Variants in RANBP2 observed in about 807,000 individuals in gnomAD.
RANBP2 encodes E3 SUMO-protein ligase RanBP2.
In RANBP2, 57 loss-of-function variants were observed where a neutral mutation model predicts 303.6. The observed-to-expected ratio is 0.19, with a 90% CI of 0.15 to 0.23. RANBP2 has a LOEUF of 0.23. RANBP2 is among the 10% of genes least tolerant of loss of function. RANBP2 has a pLI of 1.00. For missense variants in RANBP2, 3,138 were observed against 3,780.8 expected (o/e 0.83, Z 4.46); for synonymous variants, 1,167 against 1,301.5 (o/e 0.90, Z 2.23).
chr2:109,091,141 G>T, the RANBP2 span, among the ~76,000 whole-genome samples: 4 of 152,142 alleles, frequency 2.6e-5, no homozygotes, highest in Non-Finnish European at 5.9e-5. Context: ...GAGGCGGGAG[G>T]ATTGCTTGAG....
chr2:108,929,879 T>C, the RANBP2 span, among the ~76,000 whole-genome samples: 1 of 152,210 alleles, frequency 6.6e-6, no homozygotes, highest in Non-Finnish European at 1.5e-5. Flanking sequence ...AGTGGGAAAG[T>C]GATCCTTTAA....
At chr2:109,070,658 G>A in the RANBP2 span, among the ~76,000 whole-genome samples, 11 of 152,142 alleles carry the variant, frequency 7.2e-5, no homozygotes, top group African/African-American at 2.4e-4. Context: ...TCAGGAGTTC[G>A]ACACTAGCCT....
downstream of RANBP2, chr2:108,786,921 G>T: frequency 6.6e-7 from 1 of 1,517,700 alleles, no homozygotes; most frequent in Non-Finnish European, 8.8e-7. Context: ...ACGAGGTGAA[G>T]CCGCCGCCTG....
the RANBP2 span, among the ~76,000 whole-genome samples, chr2:108,796,275 C>T: frequency 5.4e-4 from 81 of 151,368 alleles, 3 homozygotes; most frequent in East Asian, 0.015. Flanking sequence ...AGGATGGTCT[C>T]GATCTCCTGA....
At chr2:108,838,656 A>G in the RANBP2 span, among the ~76,000 whole-genome samples, 2 of 152,208 alleles carry the variant, frequency 1.3e-5, no homozygotes, top group Non-Finnish European at 2.9e-5. Flanking sequence ...TTTATAAATT[A>G]GCATATTAAG....
At chr2:108,849,021 A>G in the RANBP2 span, among the ~76,000 whole-genome samples, 2 of 152,194 alleles carry the variant, frequency 1.3e-5, no homozygotes, top group Non-Finnish European at 2.9e-5. Flanking sequence ...AAGGGGATAC[A>G]TGGAAGATAC....
At chr2:109,720,842 G>A in the RANBP2 span, among the ~76,000 whole-genome samples, 3 of 152,172 alleles carry the variant, frequency 2.0e-5, no homozygotes, top group African/African-American at 7.2e-5. Context: ...ACTGCTTTCT[G>A]GCAAAAGCCC....
chr2:108,804,852 C>G, the RANBP2 span: 8 of 1,465,876 alleles, frequency 5.5e-6, no homozygotes, highest in Admixed American at 2.2e-4. Flanking sequence ...ACAGTCCTTA[C>G]AAGTTTTAGA....
At chr2:109,653,286 T>C in the RANBP2 span, among the ~76,000 whole-genome samples, 1 of 151,964 alleles carries the variant, frequency 6.6e-6, no homozygotes, top group South Asian at 2.1e-4. Context: ...TCCCAACTGC[T>C]TGGGAGGCTG....
At chr2:108,851,718 A>G in the RANBP2 span, among the ~76,000 whole-genome samples, 1 of 152,198 alleles carries the variant, frequency 6.6e-6, no homozygotes, top group East Asian at 1.9e-4. Flanking sequence ...TCCAGGAAAG[A>G]TTAGAGTCCT....
At chr2:109,732,169 T>C in the RANBP2 span, among the ~76,000 whole-genome samples, 1 of 152,162 alleles carries the variant, frequency 6.6e-6, no homozygotes, top group Admixed American at 6.5e-5. Flanking sequence ...TAAGTGTATA[T>C]ACTATTCTTT....
chr2:108,887,028 T>C, the RANBP2 span, among the ~76,000 whole-genome samples: 1 of 152,270 alleles, frequency 6.6e-6, no homozygotes, highest in Admixed American at 6.5e-5. Context: ...TATGTGTAAA[T>C]CTCTAATCTA....
chr2:109,565,822 T>C, the RANBP2 span: 1 of 1,614,084 alleles, frequency 6.2e-7, no homozygotes, highest in Admixed American at 1.7e-5. Flanking sequence ...GACTTTTACC[T>C]CATCCATACT....
chr2:109,036,516 A>G, the RANBP2 span, among the ~76,000 whole-genome samples: 1 of 152,178 alleles, frequency 6.6e-6, no homozygotes, highest in Non-Finnish European at 1.5e-5. Context: ...TATTCCATAT[A>G]TGCAAGTTTG....
At chr2:108,826,451 G>A in the RANBP2 span, among the ~76,000 whole-genome samples, 2 of 152,042 alleles carry the variant, frequency 1.3e-5, no homozygotes, top group African/African-American at 4.8e-5. Context: ...TTGGAGGAGT[G>A]TAACCTCATT....
chr2:108,844,579 T>C, the RANBP2 span, among the ~76,000 whole-genome samples: 9 of 152,282 alleles, frequency 5.9e-5, no homozygotes, highest in Non-Finnish European at 1.2e-4. Flanking sequence ...TTGAAATCTT[T>C]CTGGTCCTTG....
chr2:109,556,414 A>G, the RANBP2 span, among the ~76,000 whole-genome samples: 3 of 152,260 alleles, frequency 2.0e-5, no homozygotes, highest in Non-Finnish European at 4.4e-5. Context: ...GCTTTTAAGT[A>G]TAGAATTCTG....
intron 6 of RANBP2, among the ~76,000 whole-genome samples, chr2:108,737,251 T>G (rs1695662467): frequency 6.6e-6 from 1 of 152,110 alleles, no homozygotes; most frequent in South Asian, 2.1e-4. Flanking sequence ...TATACTCAAA[T>G]TTTTGGTCAC....
At chr2:108,833,240 A>G in the RANBP2 span, among the ~76,000 whole-genome samples, 1 of 152,228 alleles carries the variant, frequency 6.6e-6, no homozygotes, top group Non-Finnish European at 1.5e-5. Context: ...AATGTAAACT[A>G]TAGACTTTAG....
Sources: gnomAD v4.1 joint callset for allele counts (sites outside exome capture counted in the v4.1 genomes callset) on GRCh38, gnomAD v4.1.1 for gene constraint, MANE v1.5 for transcripts, NCBI Gene and HGNC (gene_info 2026-07-23, HGNC 2026-07-21) for gene names.